LRRFIP2: variants seen among roughly 807,000 people sequenced by gnomAD.
The protein encoded by LRRFIP2 is LRR binding FLII interacting protein 2.
In LRRFIP2, 109 loss-of-function variants were observed where a neutral mutation model predicts 125.9. The observed-to-expected ratio is 0.87, with a 90% CI of 0.74 to 1.01. LRRFIP2 has a LOEUF of 1.01. LRRFIP2 is among the 50% of genes least tolerant of loss of function. The pLI is 0.00. For missense variants in LRRFIP2, 850 were observed against 862.3 expected, an observed-to-expected ratio of 0.99 and a Z score of 0.18; for synonymous variants, 291 against 293.1, an observed-to-expected ratio of 0.99 and a Z score of 0.07.
At chr3:37,171,141 G>A (rs1191657916) in intron 1 of LRRFIP2, 1 of 152,304 alleles carries the variant, frequency 6.6e-6, no homozygotes, top group African/African-American at 2.4e-5. Context: ...AGAAGCAGGG[G>A]AGGAGGAGGT....
chr3:37,172,035 T>C (rs1479854909), intron 1 of LRRFIP2, among the ~76,000 whole-genome samples: 1 of 152,178 alleles, frequency 6.6e-6, no homozygotes, highest in African/African-American at 2.4e-5. Flanking sequence ...GGATAAAGAA[T>C]ACAAAGTAAT....
At position 37,153,235 on chromosome 3, in the gene LRRFIP2, A is replaced by T. The variant is rs185008705; in HGVS notation, c.-55-4197T>A. On this transcript the variant is annotated intron_variant, in intron 1 of 27. Transcript: ENST00000336686. ...AAAACCCTGTCTCTAGAAAAATTTT[A>T]AAAAAATTAGCCAGGCATGGTGGCA... Among the ~76,000 whole-genome samples the T allele has an allele frequency of 2.4e-3, 372 of 152,052 alleles. 1 individual carries two copies. Among genetic ancestry groups the T allele is most frequent in the African/African-American group, 7.9e-3 (327 of 41,474 alleles).
At chr3:37,121,205 C>T (rs1260800906) in intron 6 of LRRFIP2, among the ~76,000 whole-genome samples, 1 of 152,000 alleles carries the variant, frequency 6.6e-6, no homozygotes, top group East Asian at 1.9e-4. Context: ...TCTACAAGAT[C>T]AATCTTAATT....
At chr3:37,106,792 T>G (rs1480898309) in intron 13 of LRRFIP2, among the ~76,000 whole-genome samples, 1 of 152,168 alleles carries the variant, frequency 6.6e-6, no homozygotes, top group Non-Finnish European at 1.5e-5. Context: ...CAATTTACCT[T>G]GCAGATTTAC....
chr3:37,109,166 T>C (rs1274326209), intron 11 of LRRFIP2, among the ~76,000 whole-genome samples: 2 of 152,222 alleles, frequency 1.3e-5, no homozygotes. Flanking sequence ...GCTTGCTTTA[T>C]TAGATCCTAG....
intron 1 of LRRFIP2, among the ~76,000 whole-genome samples, chr3:37,153,451 C>A (rs2096087576): frequency 6.6e-6 from 1 of 152,022 alleles, no homozygotes; most frequent in South Asian, 2.1e-4. Flanking sequence ...TAGTCCCCAA[C>A]TGGATCACAT....
chr3:37,121,597 G>C, intron 5 of LRRFIP2, 38 bp downstream of exon 5: 5 of 1,613,474 alleles, frequency 3.1e-6, no homozygotes, highest in Non-Finnish European at 4.2e-6. Context: ...AGCTAATGAG[G>C]AAAAGTATTA....
At chr3:37,162,665 A>G (rs2096378625) in intron 1 of LRRFIP2, among the ~76,000 whole-genome samples, 1 of 152,250 alleles carries the variant, frequency 6.6e-6, no homozygotes, top group East Asian at 1.9e-4. Flanking sequence ...GCATACAGGA[A>G]ATAAATCAAA....
intron 18 of LRRFIP2, among the ~76,000 whole-genome samples, chr3:37,087,532 G>C (rs923871497): frequency 2.6e-5 from 4 of 151,996 alleles, no homozygotes; most frequent in Non-Finnish European, 5.9e-5. Context: ...AGGTATTTTA[G>C]TGATCTTAAT....
At chr3:37,133,356 T>C (rs1240784608) in intron 2 of LRRFIP2, among the ~76,000 whole-genome samples, 1 of 152,218 alleles carries the variant, frequency 6.6e-6, no homozygotes, top group Non-Finnish European at 1.5e-5. Flanking sequence ...TATACCAATG[T>C]TCATAGCAGC....
Position 37,052,720 on chromosome 3 carries a change from C to T in LRRFIP2, c.*1131G>A, listed in dbSNP as rs1356695715. 6.6e-6 allele frequency: 1 copy of T among 151,932 alleles called. No individual in the cohort carries two copies. The highest frequency in any genetic ancestry group is 1.5e-5 in the Non-Finnish European group (1 of 67,984). The allele number at this position is 151,932 out of a possible 1,614,324, so 9.4% of individuals were successfully genotyped here. A position where few individuals can be genotyped will look rare whatever the true frequency, so the allele number is the denominator to read the frequency against. On this transcript the variant is annotated 3_prime_UTR_variant, in exon 28 of 28. Coordinates refer to ENST00000336686, the MANE Select transcript of LRRFIP2 (RefSeq NM_006309.4). ...TGTGCCTTTAGTCACTAGATTTTCC[C>T]CCAATATATTTTCTGTGTAAGCACT...
Position 37,111,047 on chromosome 3 carries a change from G to A in LRRFIP2, c.457C>T (p.Gln153Ter), listed in dbSNP as rs936567983. The change falls in exon 9 of 28, where the codon CAG (glutamine) becomes TAG (stop). Residue 153 changes from glutamine (Q) to a stop codon, truncating the protein, a stop_gained. Transcript: ENST00000336686. LOFTEE classifies it high-confidence loss of function. The part of the protein sequence containing the change: ...KDLLSGLYFD[Q>*]RNYSSLRHSK... The stretch of plus-strand genomic sequence containing the variant: ...TGTCTAAGACTGCTATAGTTTCTCT[G>A]GTCAAAGTAGAGGCCACTCTGCAAA... 1.2e-6 allele frequency: 2 copies of A among 1,613,464 alleles called. No homozygotes were observed. Among genetic ancestry groups the A allele is most frequent in the Admixed American group, 1.7e-5 (1 of 59,956 alleles).
chr3:37,149,729 G>A (rs538478131), intron 1 of LRRFIP2, among the ~76,000 whole-genome samples: 3 of 151,996 alleles, frequency 2.0e-5, no homozygotes, highest in Non-Finnish European at 4.4e-5. Context: ...CGTCAGGCAC[G>A]GTGGCTCTCA....
intron 1 of LRRFIP2, among the ~76,000 whole-genome samples, chr3:37,149,251 T>C (rs1021730571): frequency 6.6e-6 from 1 of 152,226 alleles, no homozygotes; most frequent in Non-Finnish European, 1.5e-5. Flanking sequence ...GTGTGTATTA[T>C]AATATTAGCC....
intron 1 of LRRFIP2, among the ~76,000 whole-genome samples, chr3:37,151,588 C>CTT (rs891172583): frequency 6.9e-6 from 1 of 145,158 alleles, no homozygotes; most frequent in Non-Finnish European, 1.5e-5. Context: ...ATGAAGATTT[C>CTT]TTTTTTTTTT....
intron 20 of LRRFIP2, among the ~76,000 whole-genome samples, chr3:37,073,778 A>G (rs1322161153): frequency 6.6e-6 from 1 of 152,170 alleles, no homozygotes; most frequent in Non-Finnish European, 1.5e-5. Context: ...TAATTACTAG[A>G]ACACTTTACC....
At chr3:37,155,647 T>C (rs969166995) in intron 1 of LRRFIP2, among the ~76,000 whole-genome samples, 2 of 152,208 alleles carry the variant, frequency 1.3e-5, no homozygotes, top group Admixed American at 6.5e-5. Context: ...AAATGTTCTA[T>C]TTAAAATATT....
In LRRFIP2 at chr3:37,055,132, A is replaced by G. The variant is rs1226096151; in HGVS notation, c.1904T>C (p.Phe635Ser). 1 of 1,595,024 alleles carries G rather than the reference A, an allele frequency of 6.3e-7. No homozygotes were observed. Among genetic ancestry groups the G allele is most frequent in the Middle Eastern group, 1.7e-4 (1 of 5,998 alleles). The part of the protein sequence containing the change: ...DANRQISEYK[F>S]KLSKAEQDIT... The stretch of plus-strand genomic sequence containing the variant: ...ATCCTGTTCTGCTTTTGAAAGCTTA[A>G]ATTTGTATTCGCTAATTTGTCTATT... The change falls in exon 26 of 28, where the codon TTT becomes TCT. Residue 635 changes from phenylalanine (F) to serine (S), a missense_variant. Transcript: ENST00000336686.
intron 18 of LRRFIP2, among the ~76,000 whole-genome samples, chr3:37,085,794 G>A (rs549259312): frequency 6.6e-6 from 1 of 152,008 alleles, no homozygotes; most frequent in East Asian, 2.0e-4. Flanking sequence ...ATGTTGGCCA[G>A]ACTGGTCTCG....
Sources: allele counts gnomAD v4.1 joint callset (sites outside exome capture counted in the v4.1 genomes callset), GRCh38; gene constraint gnomAD v4.1.1; transcripts MANE v1.5; gene names NCBI Gene and HGNC (gene_info 2026-07-23, HGNC 2026-07-21).